Variants in PCDHA11 observed in about 807,000 individuals in gnomAD.
PCDHA11 encodes protocadherin alpha 11.
PCDHA11 carries 61 observed loss-of-function variants against 70.3 expected under a neutral mutation model. The observed-to-expected ratio is 0.87, with a 90% CI of 0.71 to 1.07. The LOEUF is 1.07. PCDHA11 is among the 50% of genes least tolerant of loss of function. The pLI is 0.00. For synonymous variants in PCDHA11, 633 were observed against 555.1 expected, an observed-to-expected ratio of 1.14 and a Z score of -1.97; for missense variants, 1,324 against 1,237.5, an observed-to-expected ratio of 1.07 and a Z score of -1.05.
At position 141,010,088 on chromosome 5, in the gene PCDHA11, C is replaced by T. The variant is rs1165296922; in HGVS notation, c.*151C>T. ...GAAAGTTCCCTGTGTCTGTCTAGAA[C>T]GCATTTAACAGGTTTTGTCGTAAAA... On this transcript the variant is annotated 3_prime_UTR_variant, in exon 4 of 4. Transcript: ENST00000398640. 2.0e-5 allele frequency: 33 copies of T among 1,612,012 alleles called. No homozygotes were observed. Among genetic ancestry groups the T allele is most frequent in the South Asian group, 4.4e-5 (4 of 90,728 alleles).
rs2051709522 is a variant in PCDHA11 at position 140,870,150 on chromosome 5, C to T, written c.1047C>T (p.Val349=). ...ACACCAACGATAACTCTCCTGAAGT[C>T]GCCGTGACTTCCTTGTCCCTCCCAG... ...ILDTNDNSPE[V]AVTSLSLPVR... Residue 349 remains valine, a synonymous_variant, in exon 1 of 4, where the codon GTC becomes GTT. Transcript: ENST00000398640. 6.2e-7 allele frequency: 1 copy of T among 1,614,098 alleles called. No homozygotes were observed. The highest frequency in any genetic ancestry group is 8.5e-7 in the Non-Finnish European group (1 of 1,180,018).
rs1263615997 is a variant in PCDHA11 at position 140,926,760 on chromosome 5, A to ATAC, written c.2392-52188_2392-52187insACT. ...GGCGCAACGTCGGCGGTCGCTGAGT[A>ATAC]TCCAGCCCGCAGCAGTGACGGCCGG... On this transcript the variant is annotated intron_variant, in intron 1 of 3. Transcript: ENST00000398640. The ATAC allele has an allele frequency of 6.1e-6, 8 of 1,312,248 alleles. No homozygotes were observed. The African/African-American group carries it at 1.2e-4, about 20-fold the overall frequency. The allele number at this position is 1,312,248 out of a possible 1,614,324, so 81.3% of individuals were successfully genotyped here.
chr5:140,882,198 G>A lies in PCDHA11; in HGVS notation c.2391+10704G>A, dbSNP rs964999330. ...CCGCACTAGGAAGCCATAAAAATTG[G>A]GCCTTGAGAGACAGTTTGAGGTAAG... On this transcript the variant is annotated intron_variant, in intron 1 of 3. Coordinates refer to ENST00000398640, the MANE Select transcript of PCDHA11 (RefSeq NM_018902.5). The A allele has an allele frequency of 8.5e-6, 13 of 1,525,466 alleles. 1 individual carries two copies. In the East Asian group the frequency reaches 2.5e-4, roughly 29 times the overall value. The allele number at this position is 1,525,466 out of a possible 1,614,324, so 94.5% of individuals were successfully genotyped here.
At chr5:140,995,168 A>G (rs1554254492) in intron 3 of PCDHA11, among the ~76,000 whole-genome samples, 1 of 152,186 alleles carries the variant, frequency 6.6e-6, no homozygotes. Context: ...ATGTTCTTTC[A>G]TAGGTGCACC....
intron 1 of PCDHA11, among the ~76,000 whole-genome samples, chr5:140,942,493 C>T (rs1334279065): frequency 1.3e-5 from 2 of 151,366 alleles, no homozygotes; most frequent in Non-Finnish European, 2.9e-5. Context: ...GAAATAAATA[C>T]ATGGTATCTA....
intron 3 of PCDHA11, among the ~76,000 whole-genome samples, chr5:140,997,728 A>G (rs1376007377): frequency 6.6e-6 from 1 of 152,030 alleles, no homozygotes; most frequent in Non-Finnish European, 1.5e-5. Flanking sequence ...ACGTCAGTAC[A>G]TATAGATTTG....
At chr5:140,878,153 A>G (rs554763085) in intron 1 of PCDHA11, 21 of 178,230 alleles carry the variant, frequency 1.2e-4, no homozygotes, top group Non-Finnish European at 2.3e-4. Context: ...TGATAACTTA[A>G]AAATTTAATT....
chr5:140,984,056 G>T (rs569184437), intron 3 of PCDHA11, among the ~76,000 whole-genome samples: 1 of 152,200 alleles, frequency 6.6e-6, no homozygotes, highest in Non-Finnish European at 1.5e-5. Context: ...TGACAAATCT[G>T]TACCCTCAGT....
Position 140,870,149 on chromosome 5 carries a change from T to G in PCDHA11, c.1046T>G (p.Val349Gly), listed in dbSNP as rs2051707862. 1.2e-6 allele frequency: 2 copies of G among 1,613,952 alleles called. No homozygotes were observed. Among genetic ancestry groups the G allele is most frequent in the Non-Finnish European group, 8.5e-7 (1 of 1,180,020 alleles). Residue 349 changes from valine to glycine, a missense_variant, in exon 1 of 4, where the codon GTC becomes GGC. Val to Gly is a moderately radical substitution (Grantham distance 109). Coordinates refer to ENST00000398640, the MANE Select transcript of PCDHA11 (RefSeq NM_018902.5). ...GACACCAACGATAACTCTCCTGAAG[T>G]CGCCGTGACTTCCTTGTCCCTCCCA... ...ILDTNDNSPE[V>G]AVTSLSLPVR...
chr5:140,986,371 G>A (rs1453761888), intron 3 of PCDHA11, among the ~76,000 whole-genome samples: 1 of 152,116 alleles, frequency 6.6e-6, no homozygotes, highest in African/African-American at 2.4e-5. Context: ...AATGCGTTTT[G>A]GGGGGAGGGA....
chr5:140,924,229 T>A (rs543275737), intron 1 of PCDHA11, among the ~76,000 whole-genome samples: 4 of 152,376 alleles, frequency 2.6e-5, no homozygotes, highest in African/African-American at 9.6e-5. Flanking sequence ...TCAATTTTTA[T>A]GGGCTGTTTT....
At chr5:140,966,678 C>G (rs2096036369) in intron 1 of PCDHA11, 8 of 1,313,236 alleles carry the variant, frequency 6.1e-6, no homozygotes, top group Non-Finnish European at 2.9e-6. Context: ...CAGGGTGGCA[C>G]GAGCGGAGGC....
intron 1 of PCDHA11, chr5:140,877,932 A>G: frequency 7.1e-7 from 1 of 1,407,638 alleles, no homozygotes; most frequent in Non-Finnish European, 9.3e-7. Flanking sequence ...TTATGATTCT[A>G]TCCTTTAAAC....
chr5:140,881,510 A>G (rs2058738971), intron 1 of PCDHA11: 1 of 210,204 alleles, frequency 4.8e-6, no homozygotes, highest in Non-Finnish European at 8.3e-6. Context: ...ACACTCACAT[A>G]CAAAATCCCA....
At chr5:140,917,262 T>C (rs1222739469) in intron 1 of PCDHA11, among the ~76,000 whole-genome samples, 1 of 151,720 alleles carries the variant, frequency 6.6e-6, no homozygotes, top group Middle Eastern at 3.2e-3. Context: ...CACCTGATGT[T>C]TGGTTTTTGT....
Position 140,869,788 on chromosome 5 carries a change from T to A in PCDHA11, c.685T>A (p.Leu229Ile), listed in dbSNP as rs782425741. 6.2e-7 allele frequency: 1 copy of A among 1,612,892 alleles called. No homozygotes were observed. Among genetic ancestry groups the A allele is most frequent in the East Asian group, 2.2e-5 (1 of 44,880 alleles). The change falls in exon 1 of 4, where the codon TTA (leucine) becomes ATA (isoleucine). Residue 229 changes from leucine (L) to isoleucine (I), a missense_variant. By Grantham distance (5) the Leu-to-Ile change is conservative. Coordinates refer to ENST00000398640, the MANE Select transcript of PCDHA11 (RefSeq NM_018902.5). ...KPELTGTVRL[L>I]VQVLDVNDND... ...AGAGCTTACTGGCACCGTTCGGCTG[T>A]TAGTCCAAGTCTTGGATGTCAACGA...
At chr5:140,974,827 G>T (rs1356890991) in intron 1 of PCDHA11, among the ~76,000 whole-genome samples, 1 of 152,182 alleles carries the variant, frequency 6.6e-6, no homozygotes. Context: ...GCAACATAAT[G>T]ATTATTTTAA....
At chr5:140,913,808 A>T (rs1332519291) in intron 1 of PCDHA11, among the ~76,000 whole-genome samples, 1 of 152,102 alleles carries the variant, frequency 6.6e-6, no homozygotes, top group Non-Finnish European at 1.5e-5. Context: ...TCAAATTTTC[A>T]ATTTCCTTTT....
At chr5:140,903,916 T>C (rs1192195691) in intron 1 of PCDHA11, among the ~76,000 whole-genome samples, 1 of 152,260 alleles carries the variant, frequency 6.6e-6, no homozygotes, top group African/African-American at 2.4e-5. Flanking sequence ...TGTGACTTCC[T>C]TGCTGCATTG....
Sources: gnomAD v4.1 joint callset for allele counts (sites outside exome capture counted in the v4.1 genomes callset) on GRCh38, gnomAD v4.1.1 for gene constraint, MANE v1.5 for transcripts, NCBI Gene and HGNC (gene_info 2026-07-23, HGNC 2026-07-21) for gene names.